Variants in RBFOX3 observed in about 807,000 individuals in gnomAD.
RBFOX3 encodes the protein RNA binding protein fox-1 homolog 3.
Under a neutral mutation model 48.7 loss-of-function variants are expected in RBFOX3, and 17 were observed. That is an observed-to-expected ratio of 0.35 (90% CI 0.24 to 0.52). RBFOX3 has a LOEUF of 0.52. Among genes scored for constraint, RBFOX3 ranks in the 20% least tolerant of loss-of-function variants. The pLI, the probability that RBFOX3 is intolerant of heterozygous loss-of-function variation, is 0.94. For missense variants in RBFOX3, 382 were observed against 497.5 expected (o/e 0.77, Z 2.21); for synonymous variants, 212 against 209.5 (o/e 1.01, Z -0.10).
At chr17:79,334,526 T>C (rs998107763) in intron 2 of RBFOX3, among the ~76,000 whole-genome samples, 1 of 152,224 alleles carries the variant, frequency 6.6e-6, no homozygotes, top group African/African-American at 2.4e-5. Flanking sequence ...TACCTAGAGA[T>C]GGGCTTCTTA....
intron 2 of RBFOX3, among the ~76,000 whole-genome samples, chr17:79,409,582 G>C (rs958080468): frequency 6.6e-6 from 1 of 152,086 alleles, no homozygotes; most frequent in African/African-American, 2.4e-5. Flanking sequence ...GCCTTCTGAA[G>C]TCCATAAGGC....
intron 1 of RBFOX3, among the ~76,000 whole-genome samples, chr17:79,587,191 C>T (rs2093276922): frequency 6.6e-6 from 1 of 152,158 alleles, no homozygotes. Flanking sequence ...CCCCCGCAAC[C>T]CTGAGAATAG....
At chr17:79,213,139 G>A (rs1348094420) in intron 4 of RBFOX3, among the ~76,000 whole-genome samples, 1 of 152,144 alleles carries the variant, frequency 6.6e-6, no homozygotes. Context: ...TTACAGGTGT[G>A]AGCTACCACG....
rs373418197 is a variant in RBFOX3, at chr17:79,211,203, G to A, written c.-34+24563C>T. ...ACACAGGCTTCCTGGCAGGCAGCACGGCCCGATGCGGGCTGGTCTGGTGGG... is the reference window on the plus strand; with the variant it reads ...ACACAGGCTTCCTGGCAGGCAGCACAGCCCGATGCGGGCTGGTCTGGTGGG... On this transcript the variant is annotated intron_variant, in intron 4 of 14. Transcript: ENST00000693108. 3.9e-5 allele frequency among the ~76,000 whole-genome samples: 6 copies of A among 152,338 alleles called. No individual in the cohort carries two copies. In the South Asian group the frequency reaches 1.2e-3, roughly 32 times the overall value.
chr17:79,319,912 T>C lies in RBFOX3; in HGVS notation c.-174-12088A>G. Among the ~76,000 whole-genome samples the C allele has an allele frequency of 2.3e-5, 3 of 132,284 alleles. 1 individual carries two copies. Among genetic ancestry groups the C allele is most frequent in the African/African-American group, 9.4e-5 (3 of 31,992 alleles). 86.8% of individuals were successfully genotyped at this position (132,284 alleles called of 152,430 possible). A position where few individuals can be genotyped will look rare whatever the true frequency, so the allele number is the denominator to read the frequency against. On this transcript the variant is annotated intron_variant, in intron 2 of 14. Coordinates refer to ENST00000693108, the MANE Select transcript of RBFOX3 (RefSeq NM_001350451.2). ...CCTTTCTGGGCTGCTGGTCTATGTC[T>C]GGGCTGCTGGTCTATGTCTGGGCTG...
intron 4 of RBFOX3, among the ~76,000 whole-genome samples, chr17:79,197,402 T>G (rs2146681794): frequency 6.7e-6 from 1 of 149,516 alleles, no homozygotes; most frequent in South Asian, 2.1e-4. Flanking sequence ...TTTTTTTTTT[T>G]TTTTGAGACA....
intron 9 of RBFOX3, chr17:79,097,968 T>G: frequency 1.7e-6 from 1 of 578,532 alleles, no homozygotes; most frequent in Non-Finnish European, 3.1e-6. Context: ...CTGCTAGGAT[T>G]CTTTCCCAAT....
intron 2 of RBFOX3, among the ~76,000 whole-genome samples, chr17:79,358,976 G>A (rs2085770397): frequency 6.6e-6 from 1 of 152,344 alleles, no homozygotes; most frequent in East Asian, 1.9e-4. Flanking sequence ...CACCACGAGT[G>A]GCACAGGGAA....
chr17:79,650,065 A>C, the RBFOX3 span, among the ~76,000 whole-genome samples: 2 of 152,170 alleles, frequency 1.3e-5, no homozygotes, highest in Admixed American at 6.5e-5. Context: ...TTTCAACATG[A>C]GATTTGAGCA....
chr17:79,169,520 A>G (rs931863441), intron 4 of RBFOX3, among the ~76,000 whole-genome samples: 2 of 152,178 alleles, frequency 1.3e-5, no homozygotes, highest in Non-Finnish European at 2.9e-5. Flanking sequence ...TGCCTCCGCC[A>G]GGGCTGCAAG....
At position 79,199,826 on chromosome 17, in the gene RBFOX3, G is replaced by T. The variant is rs545437907; in HGVS notation, c.-34+35940C>A. ...AGGAGAGTGTCTATTCTACAGTACC[G>T]CTCTAAAGCTTCCCACATCTCAGTT... On this transcript the variant is annotated intron_variant, in intron 4 of 14. Coordinates refer to ENST00000693108, the MANE Select transcript of RBFOX3 (RefSeq NM_001350451.2). This position sits in a 1 kb window ranked among gnomAD's most constrained non-coding sequence, Gnocchi z 5.1. Among the ~76,000 whole-genome samples, 1 of 152,056 alleles carries T rather than the reference G, an allele frequency of 6.6e-6. No individual in the cohort carries two copies.
chr17:79,383,320 C>T (rs2060168196), intron 2 of RBFOX3, among the ~76,000 whole-genome samples: 1 of 152,248 alleles, frequency 6.6e-6, no homozygotes, highest in Non-Finnish European at 1.5e-5. Context: ...GCCACGTGAC[C>T]ACTGCCTCCC....
intron 4 of RBFOX3, among the ~76,000 whole-genome samples, chr17:79,226,651 G>C (rs1452544828): frequency 6.6e-6 from 1 of 152,218 alleles, no homozygotes; most frequent in African/African-American, 2.4e-5. Flanking sequence ...GGGCAGCTTT[G>C]AGCAGATTAC....
chr17:79,655,337 G>A, the RBFOX3 span, among the ~76,000 whole-genome samples: 1 of 152,186 alleles, frequency 6.6e-6, no homozygotes, highest in African/African-American at 2.4e-5. Context: ...TTGAGGCTGT[G>A]TGCCCAGGGA....
intron 4 of RBFOX3, among the ~76,000 whole-genome samples, chr17:79,129,635 G>T (rs1304020734): frequency 6.6e-6 from 1 of 152,242 alleles, no homozygotes; most frequent in African/African-American, 2.4e-5. Context: ...AGCCTCTGTA[G>T]GGGCTGACTC....
At chr17:79,209,131 T>G (rs1392322984) in intron 4 of RBFOX3, among the ~76,000 whole-genome samples, 5 of 152,234 alleles carry the variant, frequency 3.3e-5, no homozygotes, top group Admixed American at 3.3e-4. Context: ...TGGCTGCTCT[T>G]TCTGTACGTG....
chr17:79,327,581 T>C (rs916211962), intron 2 of RBFOX3, among the ~76,000 whole-genome samples: 1 of 152,248 alleles, frequency 6.6e-6, no homozygotes, highest in South Asian at 2.1e-4. Context: ...GCTTTTATTT[T>C]TATTTATGTT....
intron 4 of RBFOX3, among the ~76,000 whole-genome samples, chr17:79,200,916 G>A (rs150301081): frequency 1.9e-4 from 29 of 152,102 alleles, no homozygotes; most frequent in African/African-American, 7.0e-4. Flanking sequence ...CTCTGTGTGC[G>A]GCGGGCAGCT....
intron 1 of RBFOX3, among the ~76,000 whole-genome samples, chr17:79,562,654 C>A (rs1956816123): frequency 6.6e-6 from 1 of 152,202 alleles, no homozygotes; most frequent in African/African-American, 2.4e-5. Context: ...CGGGCTGTTG[C>A]TGCTGCCGCT....
Sources: allele counts gnomAD v4.1 joint callset (sites outside exome capture counted in the v4.1 genomes callset), GRCh38; gene constraint gnomAD v4.1.1; non-coding constraint Gnocchi (gnomAD v3.1); transcripts MANE v1.5; gene names NCBI Gene and HGNC (gene_info 2026-07-23, HGNC 2026-07-21).